The following TRIM3 variants were observed in gnomAD, a reference collection of about 807,000 sequenced individuals.
TRIM3 encodes the protein tripartite motif containing 3.
Under a neutral mutation model 66.6 loss-of-function variants are expected in TRIM3, and 13 were observed. The observed-to-expected ratio is 0.20, with a 90% CI of 0.13 to 0.31. TRIM3 has a LOEUF of 0.31. Ranked by LOEUF, TRIM3 falls within the 10% of genes least tolerant of loss-of-function variation. TRIM3 has a pLI of 1.00. For missense variants in TRIM3, 711 were observed against 1,020.4 expected, an observed-to-expected ratio of 0.70 and a Z score of 4.13; for synonymous variants, 406 against 411.7, an observed-to-expected ratio of 0.99 and a Z score of 0.17.
intron 1 of TRIM3, among the ~76,000 whole-genome samples, chr11:6,472,362 T>C (rs1229920874): frequency 6.6e-6 from 1 of 152,242 alleles, no homozygotes; most frequent in Non-Finnish European, 1.5e-5. Flanking sequence ...ATGATTTGAC[T>C]TCTAGTTTCC....
chr11:6,460,981 C>A (rs941578860), intron 2 of TRIM3, among the ~76,000 whole-genome samples: 1 of 135,534 alleles, frequency 7.4e-6, no homozygotes, highest in African/African-American at 2.8e-5. Context: ...TCTTGGCTCA[C>A]TGCAACCTCC....
rs187277973 is a variant in TRIM3 at position 6,471,447 on chromosome 11, A to G, written c.-38+2344T>C. On this transcript the variant is annotated intron_variant, in intron 1 of 11. Transcript: ENST00000345851. ...GTCCTTAAAGCCAATGAATCCTTTA[A>G]ATAAGATTAGCAGGGAAGGAAAGCA... is the stretch of plus-strand genomic sequence containing the variant. 2.7e-3 allele frequency among the ~76,000 whole-genome samples: 406 copies of G among 152,312 alleles called. 2 individuals are homozygous for G. Among genetic ancestry groups the G allele is most frequent in the African/African-American group, 9.1e-3 (378 of 41,554 alleles).
At chr11:6,453,963 C>T (rs1178910604) in intron 7 of TRIM3, among the ~76,000 whole-genome samples, 1 of 152,198 alleles carries the variant, frequency 6.6e-6, no homozygotes, top group African/African-American at 2.4e-5. Context: ...AGCCAGGCTC[C>T]TAGCAGTGGC....
intron 2 of TRIM3, among the ~76,000 whole-genome samples, 173 bp downstream of exon 2, chr11:6,465,392 C>A (rs957915711): frequency 3.3e-5 from 5 of 152,092 alleles, no homozygotes; most frequent in Non-Finnish European, 5.9e-5. Flanking sequence ...CAGGTTCTTG[C>A]CCTCAAAACC....
In TRIM3 at chr11:6,456,364, G is replaced by A. The variant is rs762028401; in HGVS notation, c.1362C>T (p.Ser454=). ...HVRQKAVRRP[S]SMYSTGGKRK... is the part of the protein sequence containing the mutation. ...GTTTGCCGCCTGTGCTGTACATGGAGCTGGGCCTACGCACTGCCTTCTGGC... is the reference window on the plus strand; with the variant it reads ...GTTTGCCGCCTGTGCTGTACATGGAACTGGGCCTACGCACTGCCTTCTGGC... Residue 454 remains serine (S), a synonymous_variant, in exon 6 of 12, where the codon AGC becomes AGT. Coordinates refer to ENST00000345851, the MANE Select transcript of TRIM3 (RefSeq NM_033278.4). This position sits in a 1 kb window ranked among gnomAD's most constrained non-coding sequence, Gnocchi z 6.4. 3 of 1,535,650 alleles carry A rather than the reference G, an allele frequency of 2.0e-6. No homozygotes were observed. The South Asian group carries it at 3.8e-5, about 19-fold the overall frequency.
Position 6,457,547 on chromosome 11 carries a change from A to AC in TRIM3, c.516-72dup. Reference sequence around the variant, plus strand: ...CCGAACTTTCCCTTCTCCCTGGGGAACCTACTGCTGCCCTCATGGAGATCT... The same window carrying AC: ...CCGAACTTTCCCTTCTCCCTGGGGAACCCTACTGCTGCCCTCATGGAGATCT... On this transcript the variant is annotated intron_variant, in intron 4 of 11. Transcript: ENST00000345851. The surrounding 1 kb of genome is among the most constrained non-coding windows in gnomAD (Gnocchi z 4.5). 6.3e-7 allele frequency: 1 copy of AC among 1,575,140 alleles called. No homozygotes were observed. Among genetic ancestry groups the AC allele is most frequent in the East Asian group, 2.2e-5 (1 of 44,502 alleles).
At chr11:6,455,436 G>A (rs61876782) in intron 7 of TRIM3, among the ~76,000 whole-genome samples, 6 of 151,998 alleles carry the variant, frequency 3.9e-5, no homozygotes, top group African/African-American at 7.2e-5. Flanking sequence ...AAGAAACAGA[G>A]GGAAAAAAAG....
In TRIM3 at chr11:6,457,139, A is replaced by G; in HGVS notation, c.697-110T>C. The G allele has an allele frequency of 6.6e-7, 1 of 1,514,444 alleles. No homozygotes were observed. 93.8% of individuals were successfully genotyped at this position (1,514,444 alleles called of 1,614,324 possible). A position where few individuals can be genotyped will look rare whatever the true frequency, so the allele number is the denominator to read the frequency against. On this transcript the variant is annotated intron_variant, in intron 5 of 11. Transcript: ENST00000345851. This position sits in a 1 kb window ranked among gnomAD's most constrained non-coding sequence, Gnocchi z 4.5. ...AAAATACAAGAGGGTGCCTGTGGACAGAGGACACAGATGCCCACAGCACCT... is the reference window on the plus strand; with the variant it reads ...AAAATACAAGAGGGTGCCTGTGGACGGAGGACACAGATGCCCACAGCACCT...
chr11:6,448,745 G>A lies in TRIM3; in HGVS notation c.*283C>T. On this transcript the variant is annotated 3_prime_UTR_variant, in exon 12 of 12. Transcript: ENST00000345851. ...CTGTTCTGGCCCCAGGCTGGGGGAT[G>A]GGGAGCAGACTGACAGGGGTGGGGA... is the stretch of plus-strand genomic sequence containing the variant. The A allele has an allele frequency of 4.9e-6, 3 of 613,282 alleles. No homozygotes were observed. Among genetic ancestry groups the A allele is most frequent in the Admixed American group, 2.9e-5 (1 of 34,294 alleles). The allele number at this position is 613,282 out of a possible 1,614,324, so 38.0% of individuals were successfully genotyped here.
rs996344335 is a variant in TRIM3 at position 6,451,042 on chromosome 11, G to A, written c.1720C>T (p.Arg574Cys). ...GKFKTKIGAG[R>C]LMGPKGVAVD... ...GCCACTCCCTTGGGGCCCATGAGGC[G>A]GCCAGCTCCAATCTTGGTCTGGAGG... Residue 574 changes from arginine to cysteine, a missense_variant, in exon 9 of 12, where the codon CGC (arginine) becomes TGC (cysteine). Arg to Cys is a radical substitution (Grantham distance 180, BLOSUM62 -3). Around this residue, in one of 3 missense-constraint regions of TRIM3, gnomAD observed 163 missense variants for 321.9 expected, o/e 0.51. Transcript: ENST00000345851. 5 of 1,614,016 alleles carry A rather than the reference G, an allele frequency of 3.1e-6. No homozygotes were observed. The highest frequency in any genetic ancestry group is 4.5e-5 in the East Asian group (2 of 44,890).
chr11:6,453,653 G>A (rs1849834772), intron 7 of TRIM3, among the ~76,000 whole-genome samples: 1 of 152,212 alleles, frequency 6.6e-6, no homozygotes, highest in African/African-American at 2.4e-5. Flanking sequence ...TTTCACAGAA[G>A]AGCTGATAAA....
chr11:6,450,854 G>C lies in TRIM3; in HGVS notation c.1870+38C>G, dbSNP rs1168704226. ...GTATCTAGGGGAGTTCTCTGGAACA[G>C]GGGTATCAGCATAGATCTTGGAGCT... On this transcript the variant is annotated intron_variant, in intron 9 of 11. Coordinates refer to ENST00000345851, the MANE Select transcript of TRIM3 (RefSeq NM_033278.4). The surrounding 1 kb of genome is among the most constrained non-coding windows in gnomAD (Gnocchi z 4.8). 2.5e-6 allele frequency: 4 copies of C among 1,610,592 alleles called. No homozygotes were observed. Among genetic ancestry groups the C allele is most frequent in the African/African-American group, 1.3e-5 (1 of 74,886 alleles).
intron 1 of TRIM3, among the ~76,000 whole-genome samples, chr11:6,468,400 T>C (rs1850552385): frequency 1.3e-5 from 2 of 152,106 alleles, no homozygotes; most frequent in African/African-American, 4.8e-5. Context: ...ATCACTAGCA[T>C]ATAAATGGCA....
intron 2 of TRIM3, among the ~76,000 whole-genome samples, chr11:6,459,094 A>G (rs887749158): frequency 1.3e-5 from 2 of 152,244 alleles, no homozygotes; most frequent in African/African-American, 4.8e-5. Context: ...TGTCCAGGAA[A>G]GTCTTCAGAG....
At position 6,448,737 on chromosome 11, in the gene TRIM3, TG is replaced by T; in HGVS notation, c.*290del. 1.6e-6 allele frequency: 1 copy of T among 612,098 alleles called. No homozygotes were observed. The highest frequency in any genetic ancestry group is 2.9e-6 in the Non-Finnish European group (1 of 344,452). The allele number at this position is 612,098 out of a possible 1,614,324, so 37.9% of individuals were successfully genotyped here. A position where few individuals can be genotyped will look rare whatever the true frequency, so the allele number is the denominator to read the frequency against. On this transcript the variant is annotated 3_prime_UTR_variant, in exon 12 of 12. Transcript: ENST00000345851. The stretch of plus-strand genomic sequence containing the variant: ...GGGGTAGGCTGTTCTGGCCCCAGGC[TG>T]GGGGATGGGGAGCAGACTGACAGGG...
intron 7 of TRIM3, among the ~76,000 whole-genome samples, chr11:6,453,943 T>G (rs1849852661): frequency 6.6e-6 from 1 of 152,080 alleles, no homozygotes; most frequent in Non-Finnish European, 1.5e-5. Context: ...AAATTCAACT[T>G]AGAAATCTGA....
rs2134188093 is a variant in TRIM3 at position 6,458,445 on chromosome 11, C to T, written c.132-149G>A. The T allele has an allele frequency of 3.0e-6, 2 of 664,862 alleles. No individual in the cohort carries two copies. The highest frequency in any genetic ancestry group is 1.9e-5 in the South Asian group (1 of 51,606). The allele number at this position is 664,862 out of a possible 1,614,324, so 41.2% of individuals were successfully genotyped here. On this transcript the variant is annotated intron_variant, in intron 2 of 11. Coordinates refer to ENST00000345851, the MANE Select transcript of TRIM3 (RefSeq NM_033278.4). This position sits in a 1 kb window ranked among gnomAD's most constrained non-coding sequence, Gnocchi z 6.2. ...CTCTCTGCTTGACACATCTCATCTGCCAGCAGGTATAATGGCCTTGCCCCT... is the reference window on the plus strand; with the variant it reads ...CTCTCTGCTTGACACATCTCATCTGTCAGCAGGTATAATGGCCTTGCCCCT...
In TRIM3 at chr11:6,448,663, G is replaced by T; in HGVS notation, c.*365C>A. On this transcript the variant is annotated 3_prime_UTR_variant, in exon 12 of 12. Coordinates refer to ENST00000345851, the MANE Select transcript of TRIM3 (RefSeq NM_033278.4). Reference sequence around the variant, plus strand: ...TGGGGGGTGGGGTATTGCTGTCTCTGTCAGTGTGTATAGGGTGGTAGGGAG... The same window carrying T: ...TGGGGGGTGGGGTATTGCTGTCTCTTTCAGTGTGTATAGGGTGGTAGGGAG... The T allele has an allele frequency of 2.0e-6, 1 of 508,244 alleles. No homozygotes were observed. The highest frequency in any genetic ancestry group is 3.2e-5 in the South Asian group (1 of 31,564). The allele number at this position is 508,244 out of a possible 1,614,324, so 31.5% of individuals were successfully genotyped here.
rs1849686734 is a variant in TRIM3 at position 6,450,725 on chromosome 11, G to A, written c.1871-104C>T. The A allele has an allele frequency of 7.5e-7, 1 of 1,329,584 alleles. No individual in the cohort carries two copies. The highest frequency in any genetic ancestry group is 1.4e-5 in the African/African-American group (1 of 69,278). The allele number at this position is 1,329,584 out of a possible 1,614,324, so 82.4% of individuals were successfully genotyped here. ...GCTAGGGTGTTAGGAGAGGGGTGGG[G>A]TCTCCAGGACTGAGACAAATTATTT... On this transcript the variant is annotated intron_variant, in intron 9 of 11. Transcript: ENST00000345851. The surrounding 1 kb of genome is among the most constrained non-coding windows in gnomAD (Gnocchi z 4.8).
Sources: gnomAD v4.1 joint callset for allele counts (sites outside exome capture counted in the v4.1 genomes callset) on GRCh38, gnomAD v4.1.1 for gene constraint, gnomAD v4.1.1 regional missense constraint, Gnocchi (gnomAD v3.1) non-coding constraint, MANE v1.5 for transcripts, NCBI Gene and HGNC (gene_info 2026-07-23, HGNC 2026-07-21) for gene names.